BRD10: variants seen among roughly 807,000 people sequenced by gnomAD.
The protein encoded by BRD10 is bromodomain containing 10, also known as uncharacterized bromodomain-containing protein 10.
the BRD10 span, among the ~76,000 whole-genome samples, chr9:6,005,456 G>A: frequency 6.6e-6 from 1 of 152,196 alleles, no homozygotes; most frequent in Non-Finnish European, 1.5e-5. Context: ...AGTGAGCTGA[G>A]ATCACGCCAC....
chr9:5,925,545 C>CT, the BRD10 span, among the ~76,000 whole-genome samples: 2 of 152,014 alleles, frequency 1.3e-5, no homozygotes, highest in Non-Finnish European at 2.9e-5. Flanking sequence ...TATAACACAT[C>CT]TTAAAAGGTC....
At chr9:5,970,366 G>A in the BRD10 span, among the ~76,000 whole-genome samples, 2 of 152,044 alleles carry the variant, frequency 1.3e-5, no homozygotes, top group Non-Finnish European at 2.9e-5. Context: ...TAAGCAGGGA[G>A]GTGACAGTGT....
chr9:5,933,031 G>A, the BRD10 span, among the ~76,000 whole-genome samples: 6 of 152,038 alleles, frequency 3.9e-5, no homozygotes, highest in African/African-American at 1.4e-4. Flanking sequence ...AATCAGAAAG[G>A]TTCTTAAGAC....
At chr9:5,883,363 C>T in the BRD10 span, among the ~76,000 whole-genome samples, 3 of 151,596 alleles carry the variant, frequency 2.0e-5, no homozygotes, top group Non-Finnish European at 4.4e-5. Context: ...TGAACATGAA[C>T]AAAGCTAATT....
the BRD10 span, among the ~76,000 whole-genome samples, chr9:5,937,560 A>T: frequency 2.0e-5 from 3 of 152,192 alleles, no homozygotes; most frequent in Non-Finnish European, 4.4e-5. Context: ...AAAAAGAAAA[A>T]GAAACACTAG....
chr9:5,956,696 T>C, the BRD10 span, among the ~76,000 whole-genome samples: 2 of 152,182 alleles, frequency 1.3e-5, no homozygotes, highest in Non-Finnish European at 2.9e-5. Context: ...TTCTTTAAAT[T>C]CTTTTTACTT....
At chr9:5,951,063 CACACACACACACACCCCCA>C in the BRD10 span, among the ~76,000 whole-genome samples, 1 of 151,086 alleles carries the variant, frequency 6.6e-6, no homozygotes, top group African/African-American at 2.4e-5. Flanking sequence ...CACACACACA[CACACACACACACACCCCCA>C]CCCCACCCTG....
At chr9:5,888,847 C>T in the BRD10 span, among the ~76,000 whole-genome samples, 1 of 152,176 alleles carries the variant, frequency 6.6e-6, no homozygotes, top group South Asian at 2.1e-4. Context: ...ATTTAAAAAA[C>T]GGTCTTTTTG....
chr9:5,886,185 G>C, the BRD10 span, among the ~76,000 whole-genome samples: 2 of 152,216 alleles, frequency 1.3e-5, no homozygotes, highest in Non-Finnish European at 2.9e-5. Context: ...AGCAGGATGA[G>C]TCAAGAGGAT....
At chr9:5,966,454 CCT>C in the BRD10 span, among the ~76,000 whole-genome samples, 2 of 41,974 alleles carry the variant, frequency 4.8e-5, no homozygotes, top group Non-Finnish European at 9.7e-5. Flanking sequence ...ACTAACATTT[CCT>C]TTTTTTTTTT....
the BRD10 span, among the ~76,000 whole-genome samples, chr9:5,998,443 C>A: frequency 4.6e-5 from 7 of 152,114 alleles, no homozygotes; most frequent in East Asian, 1.4e-3. Context: ...ACTGTCAATC[C>A]TACCACCACA....
chr9:5,922,743 T>C, the BRD10 span: 3 of 1,613,894 alleles, frequency 1.9e-6, no homozygotes, highest in African/African-American at 4.0e-5. Context: ...TGCACCTGAA[T>C]CTTTACAGAG....
chr9:5,934,764 T>C, the BRD10 span, among the ~76,000 whole-genome samples: 2 of 152,202 alleles, frequency 1.3e-5, no homozygotes, highest in Non-Finnish European at 2.9e-5. Flanking sequence ...CTCTACTGAC[T>C]GAGTTAGCTG....
the BRD10 span, among the ~76,000 whole-genome samples, chr9:5,982,006 C>T: frequency 0.011 from 1,597 of 152,020 alleles, 25 homozygotes; most frequent in African/African-American, 0.03. Context: ...CCAAACACCA[C>T]CTGTTCCCCA....
At chr9:5,922,627 T>C in the BRD10 span, 1 of 1,614,006 alleles carries the variant, frequency 6.2e-7, no homozygotes, top group Non-Finnish European at 8.5e-7. Context: ...GTGGTGGCAC[T>C]TCTTTTGCAA....
At chr9:5,926,675 G>A in the BRD10 span, among the ~76,000 whole-genome samples, 2 of 152,036 alleles carry the variant, frequency 1.3e-5, no homozygotes, top group Non-Finnish European at 2.9e-5. Context: ...GGGACTACAG[G>A]TGCCCGCCAC....
chr9:5,973,576 A>C, the BRD10 span, among the ~76,000 whole-genome samples: 2 of 152,212 alleles, frequency 1.3e-5, no homozygotes, highest in Admixed American at 1.3e-4. Flanking sequence ...AAGAAACACA[A>C]ATCAATATCT....
the BRD10 span, among the ~76,000 whole-genome samples, chr9:6,004,534 C>A: frequency 6.6e-6 from 1 of 152,146 alleles, no homozygotes; most frequent in African/African-American, 2.4e-5. Context: ...CACTAGAAAG[C>A]TCAGCAGTAT....
At chr9:5,937,228 C>CA in the BRD10 span, among the ~76,000 whole-genome samples, 1,599 of 90,564 alleles carry the variant, frequency 0.018, 13 homozygotes, top group African/African-American at 0.03. Context: ...GACTCTGCCT[C>CA]AAAAAAAAAA....
Sources: gnomAD v4.1 joint callset for allele counts (sites outside exome capture counted in the v4.1 genomes callset) on GRCh38, gnomAD v4.1.1 for gene constraint, MANE v1.5 for transcripts, NCBI Gene and HGNC (gene_info 2026-07-23, HGNC 2026-07-21) for gene names.